Variants in TMEM150B observed in about 807,000 individuals in gnomAD.
The protein encoded by TMEM150B is modulator of macroautophagy TMEM150B.
A neutral mutation model predicts 25.2 loss-of-function variants in TMEM150B; 33 were observed. The ratio of observed to expected loss-of-function variants is 1.31; its 90% confidence interval spans 0.99 to 1.75. The LOEUF is 1.75. Ranked by LOEUF, TMEM150B falls within the 40% of genes most tolerant of loss-of-function variation. The pLI is 0.00. For missense variants in TMEM150B, 322 were observed against 306.1 expected (o/e 1.05, Z -0.39); for synonymous variants, 133 against 134.8 (o/e 0.99, Z 0.09).
In TMEM150B at chr19:55,316,879, A is replaced by G; in HGVS notation, c.412T>C (p.Trp138Arg). The change falls in exon 7 of 8, where the codon TGG becomes CGG. Residue 138 changes from tryptophan to arginine, a missense_variant. Trp to Arg is a moderately radical substitution (Grantham distance 101). Transcript: ENST00000326652. ...GGCTGGGGCAGCCTCTTCAGCCTCCACAGGAGGAGCTGCAGCCAGAAGTAG... is the reference window on the plus strand; with the variant it reads ...GGCTGGGGCAGCCTCTTCAGCCTCCGCAGGAGGAGCTGCAGCCAGAAGTAG... ...NVYFWLQLLL[W>R]RLKRLPQPGA... 6.2e-7 allele frequency: 1 copy of G among 1,604,060 alleles called. No individual in the cohort carries two copies. Among genetic ancestry groups the G allele is most frequent in the Non-Finnish European group, 8.5e-7 (1 of 1,176,320 alleles).
At chr19:55,319,959 G>A (rs1417547438) in intron 6 of TMEM150B, 80 bp downstream of exon 6, 4 of 1,603,032 alleles carry the variant, frequency 2.5e-6, no homozygotes, top group Non-Finnish European at 3.4e-6. Context: ...GAGACAATAA[G>A]CCTATGGCCA....
downstream of TMEM150B, chr19:55,312,566 A>AAAG: frequency 3.7e-6 from 1 of 269,354 alleles, no homozygotes; most frequent in Non-Finnish European, 6.8e-6. Context: ...AAAAAAAGAT[A>AAAG]ATAATAATAA....
rs1231653787 is a variant in TMEM150B, at chr19:55,312,811, A to AT, written c.*47dup. The AT allele has an allele frequency of 2.0e-6, 3 of 1,520,518 alleles. No homozygotes were observed. The Admixed American group carries it at 6.1e-5, about 31-fold the overall frequency. 94.2% of individuals were successfully genotyped at this position (1,520,518 alleles called of 1,614,324 possible). On this transcript the variant is annotated 3_prime_UTR_variant, in exon 8 of 8. Coordinates refer to ENST00000326652, the MANE Select transcript of TMEM150B (RefSeq NM_001282011.2). ...GGTGCGGGGCACTGGGATTGGCCCC[A>AT]TCTTTCCTGCTTCACTGGTGAGGGC...
chr19:55,312,157 T>G, downstream of TMEM150B: 1 of 595,212 alleles, frequency 1.7e-6, no homozygotes, highest in Non-Finnish European at 2.8e-6. Flanking sequence ...CCAAGGAACA[T>G]GTCGGGAGGG....
chr19:55,323,940 G>A (rs2089271639), intron 1 of TMEM150B, among the ~76,000 whole-genome samples: 1 of 150,300 alleles, frequency 6.7e-6, no homozygotes, highest in Admixed American at 6.7e-5. Flanking sequence ...CCAAGTAGCT[G>A]GGATTACAGG....
At chr19:55,309,514 G>A (rs923566598), downstream of TMEM150B, among the ~76,000 whole-genome samples, 4 of 152,226 alleles carry the variant, frequency 2.6e-5, no homozygotes, top group African/African-American at 4.8e-5. Flanking sequence ...TGCCAGCAGC[G>A]TTGGTGCCTG....
At chr19:55,311,950 C>T (rs544673852), downstream of TMEM150B, 4 of 1,610,344 alleles carry the variant, frequency 2.5e-6, no homozygotes, top group South Asian at 3.3e-5. Context: ...GCTGGTGCCC[C>T]ACCCCGAAGC....
intron 1 of TMEM150B, among the ~76,000 whole-genome samples, chr19:55,323,172 C>T (rs1281116728): frequency 6.6e-6 from 1 of 152,192 alleles, no homozygotes; most frequent in Non-Finnish European, 1.5e-5. Flanking sequence ...CGGCTCACGC[C>T]TGTAATCCCA....
intron 1 of TMEM150B, among the ~76,000 whole-genome samples, chr19:55,323,822 T>TC (rs1555897491): frequency 4.1e-4 from 60 of 145,328 alleles, no homozygotes; most frequent in African/African-American, 1.5e-3. Context: ...TTTTTTTTTT[T>TC]CTGAAACAGA....
intron 7 of TMEM150B, among the ~76,000 whole-genome samples, chr19:55,316,307 G>A (rs559290712): frequency 5.3e-5 from 8 of 152,108 alleles, no homozygotes; most frequent in Admixed American, 2.6e-4. Context: ...AGAACCTCAC[G>A]CGCATCCTGG....
downstream of TMEM150B, chr19:55,312,594 C>A: frequency 3.0e-6 from 1 of 331,138 alleles, no homozygotes; most frequent in East Asian, 4.5e-5. Context: ...TGATCAGGGA[C>A]AGCTGGCTGG....
intron 1 of TMEM150B, among the ~76,000 whole-genome samples, chr19:55,323,170 G>A (rs773408404): frequency 4.9e-4 from 75 of 152,264 alleles, no homozygotes; most frequent in Non-Finnish European, 8.8e-4. Context: ...GGCGGCTCAC[G>A]CCTGTAATCC....
At chr19:55,323,225 T>A (rs1648131623) in intron 1 of TMEM150B, among the ~76,000 whole-genome samples, 1 of 152,020 alleles carries the variant, frequency 6.6e-6, no homozygotes, top group East Asian at 1.9e-4. Context: ...TGGAGTCAGG[T>A]GTTTGAGACT....
chr19:55,313,180 C>T, intron 7 of TMEM150B, 125 bp from the exon 8 acceptor site: 1 of 979,008 alleles, frequency 1.0e-6, no homozygotes. Flanking sequence ...TCCCCTTCCC[C>T]CGTAGCTCCT....
At chr19:55,321,834 C>T (rs144232270) in intron 2 of TMEM150B, among the ~76,000 whole-genome samples, 351 of 152,248 alleles carry the variant, frequency 2.3e-3, no homozygotes, top group African/African-American at 7.7e-3. Context: ...CTCAGGTCGG[C>T]CTGCTCTCTG....
chr19:55,322,577 G>T, intron 2 of TMEM150B, 71 bp downstream of exon 2: 1 of 653,804 alleles, frequency 1.5e-6, no homozygotes, highest in Non-Finnish European at 1.9e-6. Flanking sequence ...CTCCTGCTTG[G>T]GGAGTTTCTC....
downstream of TMEM150B, among the ~76,000 whole-genome samples, chr19:55,310,603 G>GA (rs1182815024): frequency 6.6e-6 from 1 of 152,098 alleles, no homozygotes; most frequent in East Asian, 1.9e-4. This position sits in a 1 kb window ranked among gnomAD's most constrained non-coding sequence, Gnocchi z 5.0. Context: ...CCTCAACTGG[G>GA]GAAAACAGGG....
intron 6 of TMEM150B, chr19:55,319,747 G>A: frequency 8.2e-7 from 1 of 1,221,776 alleles, no homozygotes. Flanking sequence ...ACTGCGCCTG[G>A]ACCAGTAATT....
At chr19:55,324,371 C>T (rs1214818972) in intron 1 of TMEM150B, among the ~76,000 whole-genome samples, 1 of 150,374 alleles carries the variant, frequency 6.7e-6, no homozygotes, top group East Asian at 2.0e-4. Flanking sequence ...GCTGGGTGGC[C>T]GGGCATGGTG....
Sources: allele counts gnomAD v4.1 joint callset (sites outside exome capture counted in the v4.1 genomes callset), GRCh38; gene constraint gnomAD v4.1.1; non-coding constraint Gnocchi (gnomAD v3.1); transcripts MANE v1.5; gene names NCBI Gene and HGNC (gene_info 2026-07-23, HGNC 2026-07-21).